TSHZ1: variants seen among roughly 807,000 people sequenced by gnomAD.
The protein encoded by TSHZ1 is teashirt zinc finger homeobox 1, also known as teashirt homolog 1.
Under a neutral mutation model 67.1 loss-of-function variants are expected in TSHZ1, and 12 were observed. That is an observed-to-expected ratio of 0.18 (90% CI 0.11 to 0.29). The LOEUF is 0.29. TSHZ1 is among the 10% of genes least tolerant of loss of function. The pLI, the probability that TSHZ1 is intolerant of heterozygous loss-of-function variation, is 1.00. For missense variants in TSHZ1, 1,305 were observed against 1,413.9 expected, an observed-to-expected ratio of 0.92 and a Z score of 1.23; for synonymous variants, 632 against 622.4, an observed-to-expected ratio of 1.02 and a Z score of -0.23.
chr18:75,269,466 G>A lies in TSHZ1; in HGVS notation c.41-15982G>A, dbSNP rs1231625293. On this transcript the variant is annotated intron_variant, in intron 1 of 1. Transcript: ENST00000580243. ...GCTGCAGGGTGTGGGGGAATCATGA[G>A]CTGGGGGAAGTTGGGGGAGGGCCCT... Among the ~76,000 whole-genome samples the A allele has an allele frequency of 2.6e-5, 4 of 152,166 alleles. No homozygotes were observed. In the East Asian group the frequency reaches 7.7e-4, roughly 29 times the overall value.
At chr18:75,269,429 T>A (rs537178780) in intron 1 of TSHZ1, among the ~76,000 whole-genome samples, 5 of 152,072 alleles carry the variant, frequency 3.3e-5, no homozygotes. Context: ...TCCCCTGTGC[T>A]ATGATTAAGT....
At chr18:75,244,275 T>C (rs1236181421) in intron 1 of TSHZ1, among the ~76,000 whole-genome samples, 1 of 152,192 alleles carries the variant, frequency 6.6e-6, no homozygotes, top group Non-Finnish European at 1.5e-5. Context: ...CCTGGACTTT[T>C]ATATCACAAC....
rs558556893 is a variant in TSHZ1 at position 75,223,059 on chromosome 18, C to T, written c.40+11143C>T. On this transcript the variant is annotated intron_variant, in intron 1 of 1. Transcript: ENST00000580243. ...TACACCTCCCTGCCTCCCAGCACTG[C>T]GGTACTTGATATCTCATGATGGGTG... is the stretch of plus-strand genomic sequence containing the variant. Among the ~76,000 whole-genome samples the T allele has an allele frequency of 1.9e-4, 29 of 152,280 alleles. No individual in the cohort carries two copies. The South Asian group carries it at 5.2e-3, about 27-fold the overall frequency.
intron 1 of TSHZ1, among the ~76,000 whole-genome samples, chr18:75,228,127 G>A (rs771391374): frequency 1.3e-5 from 2 of 152,206 alleles, no homozygotes; most frequent in Non-Finnish European, 2.9e-5. Flanking sequence ...AATTTTAATG[G>A]ATGGATGCTT....
intron 1 of TSHZ1, among the ~76,000 whole-genome samples, chr18:75,261,972 T>A (rs1346637879): frequency 1.3e-5 from 2 of 152,186 alleles, no homozygotes; most frequent in African/African-American, 4.8e-5. Context: ...GAGTGACCTG[T>A]ATTCTCTCCA....
At chr18:75,272,879 C>A (rs1188439764) in intron 1 of TSHZ1, among the ~76,000 whole-genome samples, 1 of 152,130 alleles carries the variant, frequency 6.6e-6, no homozygotes, top group Admixed American at 6.5e-5. Context: ...GAAATGGAAA[C>A]ACCTAGTCAG....
chr18:75,216,396 A>G (rs948953601), intron 1 of TSHZ1, among the ~76,000 whole-genome samples: 1 of 152,148 alleles, frequency 6.6e-6, no homozygotes, highest in Non-Finnish European at 1.5e-5. Flanking sequence ...GTGGTGGGGT[A>G]ATTTGTGATG....
chr18:75,248,116 T>C (rs182811669), intron 1 of TSHZ1, among the ~76,000 whole-genome samples: 63 of 152,316 alleles, frequency 4.1e-4, no homozygotes, highest in African/African-American at 1.4e-3. Flanking sequence ...GAAAAATATA[T>C]GTGAGCTTAC....
intron 1 of TSHZ1, among the ~76,000 whole-genome samples, chr18:75,215,029 T>A (rs895031375): frequency 1.3e-5 from 2 of 151,926 alleles, no homozygotes; most frequent in Admixed American, 6.6e-5. Flanking sequence ...ACCGAGACAA[T>A]GCTGCTTAAT....
Position 75,257,440 on chromosome 18 carries a change from G to A in TSHZ1, c.41-28008G>A, listed in dbSNP as rs865830557. ...TCTTGGCTAGGACAAGGCAGAGAAA[G>A]TGAGAGTTTAACCAATTAATAAGAG... On this transcript the variant is annotated intron_variant, in intron 1 of 1. Coordinates refer to ENST00000580243, the MANE Select transcript of TSHZ1 (RefSeq NM_001308210.2). Among the ~76,000 whole-genome samples the A allele has an allele frequency of 7.9e-5, 12 of 152,346 alleles. No individual in the cohort carries two copies. The South Asian group carries it at 1.4e-3, about 18-fold the overall frequency.
At chr18:75,252,979 A>G (rs1376239691) in intron 1 of TSHZ1, among the ~76,000 whole-genome samples, 1 of 152,158 alleles carries the variant, frequency 6.6e-6, no homozygotes, top group Non-Finnish European at 1.5e-5. Flanking sequence ...ATTTGACTGA[A>G]ATGGTATTTA....
chr18:75,246,564 A>G (rs994574352), intron 1 of TSHZ1, among the ~76,000 whole-genome samples: 3 of 151,996 alleles, frequency 2.0e-5, no homozygotes, highest in Non-Finnish European at 4.4e-5. Context: ...GATAAGTGAA[A>G]TCTCTGAGAG....
At chr18:75,276,744 G>T (rs775700568) in intron 1 of TSHZ1, among the ~76,000 whole-genome samples, 5 of 152,194 alleles carry the variant, frequency 3.3e-5, no homozygotes, top group African/African-American at 1.2e-4. Flanking sequence ...AGATAAACAT[G>T]TAATTTGGTA....
chr18:75,232,980 T>TG (rs1331328199), intron 1 of TSHZ1, among the ~76,000 whole-genome samples: 1 of 152,174 alleles, frequency 6.6e-6, no homozygotes, highest in Non-Finnish European at 1.5e-5. Context: ...GTGAAGGGAC[T>TG]GGGGGTCTGT....
At chr18:75,250,183 G>T (rs908177562) in intron 1 of TSHZ1, among the ~76,000 whole-genome samples, 13 of 151,884 alleles carry the variant, frequency 8.6e-5, no homozygotes, top group Non-Finnish European at 1.9e-4. Flanking sequence ...CCTCCAGTAG[G>T]TGGGGGGGTG....
chr18:75,269,094 A>G (rs1427184962), intron 1 of TSHZ1, among the ~76,000 whole-genome samples: 1 of 152,204 alleles, frequency 6.6e-6, no homozygotes, highest in Non-Finnish European at 1.5e-5. Context: ...TGAAACACGT[A>G]TTTTATGCTA....
Position 75,288,043 on chromosome 18 carries a change from T to A in TSHZ1, c.2636T>A (p.Leu879Gln), listed in dbSNP as rs760595058. 3 of 1,613,910 alleles carry A rather than the reference T, an allele frequency of 1.9e-6. No individual in the cohort carries two copies. The African/African-American group carries it at 4.0e-5, about 22-fold the overall frequency. The change falls in exon 2 of 2, where the codon CTG (leucine) becomes CAG (glutamine). Residue 879 changes from leucine to glutamine, a missense_variant. Leu to Gln is a moderately radical substitution (Grantham distance 113, BLOSUM62 -2). Around this residue, in one of 3 missense-constraint regions of TSHZ1, gnomAD observed 909 missense variants for 961.8 expected, o/e 0.95. Transcript: ENST00000580243. The surrounding 1 kb of genome is among the most constrained non-coding windows in gnomAD (Gnocchi z 4.9). ...AGCTTTGAGGAGGCGTTGGACGAGC[T>A]GTCACCGGTCCACAAGAGGAAGGGC... ...GSSFEEALDE[L>Q]SPVHKRKGRQ...
At chr18:75,284,152 A>C (rs2023721035) in intron 1 of TSHZ1, 1 of 152,798 alleles carries the variant, frequency 6.5e-6, no homozygotes, top group South Asian at 2.1e-4. Context: ...TCCTTGCAGT[A>C]GTCTCCCCTT....
At chr18:75,284,365 G>C (rs545620064) in intron 1 of TSHZ1, 3 of 152,646 alleles carry the variant, frequency 2.0e-5, no homozygotes, top group African/African-American at 7.2e-5. Context: ...CAGCTGGAGC[G>C]TGGACCGTTG....
Sources: gnomAD v4.1 joint callset for allele counts (sites outside exome capture counted in the v4.1 genomes callset) on GRCh38, gnomAD v4.1.1 for gene constraint, gnomAD v4.1.1 regional missense constraint, Gnocchi (gnomAD v3.1) non-coding constraint, MANE v1.5 for transcripts, NCBI Gene and HGNC (gene_info 2026-07-23, HGNC 2026-07-21) for gene names.